The following BACH2 variants were observed in gnomAD, a reference collection of about 807,000 sequenced individuals.
BACH2 encodes the protein transcription regulator protein BACH2.
In BACH2, 5 loss-of-function variants were observed where a neutral mutation model predicts 61.8. The observed-to-expected ratio is 0.08, with a 90% confidence interval of 0.04 to 0.17. The LOEUF is 0.17. Among genes scored for constraint, BACH2 ranks in the 10% least tolerant of loss-of-function variants. The pLI is 1.00. For synonymous variants in BACH2, 446 were observed against 440.1 expected (o/e 1.01, Z -0.17); for missense variants, 824 against 1,091.1 (o/e 0.76, Z 3.45).
intron 4 of BACH2, among the ~76,000 whole-genome samples, chr6:90,134,972 G>A (rs1387227955): frequency 6.6e-6 from 1 of 152,200 alleles, no homozygotes; most frequent in Non-Finnish European, 1.5e-5. Flanking sequence ...GGGATGAACA[G>A]ATCCAGCCTT....
intron 5 of BACH2, among the ~76,000 whole-genome samples, chr6:90,059,991 G>A (rs1199683159): frequency 9.3e-6 from 1 of 107,168 alleles, no homozygotes; most frequent in African/African-American, 3.5e-5. Flanking sequence ...GGGGGGAGGG[G>A]GGAGGGATAG....
intron 5 of BACH2, among the ~76,000 whole-genome samples, chr6:90,032,885 C>A (rs1385846604): frequency 6.6e-6 from 1 of 152,148 alleles, no homozygotes; most frequent in African/African-American, 2.4e-5. Context: ...ATAAATCATG[C>A]TGCTATTAAG....
chr6:90,189,945 T>G (rs1438351382), intron 4 of BACH2, among the ~76,000 whole-genome samples: 2 of 149,890 alleles, frequency 1.3e-5, no homozygotes, highest in Non-Finnish European at 3.0e-5. Flanking sequence ...CTATTAACTC[T>G]GAGCATTTTT....
At chr6:90,289,376 A>G (rs1207304458) in intron 1 of BACH2, among the ~76,000 whole-genome samples, 1 of 152,248 alleles carries the variant, frequency 6.6e-6, no homozygotes, top group Non-Finnish European at 1.5e-5. Flanking sequence ...TCTGAGGATT[A>G]TGTGAGTTAA....
In BACH2 at chr6:90,060,139, AAAAC is replaced by A. The variant is rs201264525; in HGVS notation, c.-13+28818_-13+28821del. 6.6e-3 allele frequency among the ~76,000 whole-genome samples: 1,005 copies of A among 151,972 alleles called. 9 individuals carry two copies. The highest frequency in any genetic ancestry group is 0.022 in the African/African-American group (930 of 41,466). On this transcript the variant is annotated intron_variant, in intron 5 of 8. Coordinates refer to ENST00000257749, the MANE Select transcript of BACH2 (RefSeq NM_021813.4). ...TTAAAGTATAATAACAGTAAAAAAA[AAAAC>A]AAAGAAAACAAACAAACAAAAAACA...
intron 4 of BACH2, among the ~76,000 whole-genome samples, chr6:90,158,912 T>C (rs769495169): frequency 1.3e-5 from 2 of 152,196 alleles, no homozygotes; most frequent in Non-Finnish European, 2.9e-5. Flanking sequence ...ATATCATCTC[T>C]TAATTTGATT....
At chr6:90,116,474 G>A (rs1783403586) in intron 4 of BACH2, among the ~76,000 whole-genome samples, 1 of 152,076 alleles carries the variant, frequency 6.6e-6, no homozygotes, top group African/African-American at 2.4e-5. Flanking sequence ...AGGAAACAAT[G>A]AACACTGGGG....
At chr6:90,137,668 A>T (rs1784320524) in intron 4 of BACH2, among the ~76,000 whole-genome samples, 1 of 152,110 alleles carries the variant, frequency 6.6e-6, no homozygotes, top group African/African-American at 2.4e-5. Context: ...TTTTTCTATG[A>T]TTTGTTGGAC....
chr6:90,044,951 C>T (rs1779711706), intron 5 of BACH2, among the ~76,000 whole-genome samples: 1 of 152,078 alleles, frequency 6.6e-6, no homozygotes, highest in Non-Finnish European at 1.5e-5. Flanking sequence ...CAGCCTGATT[C>T]TAGAGAGATA....
chr6:90,261,643 C>G (rs911251751), intron 2 of BACH2, among the ~76,000 whole-genome samples: 1 of 152,080 alleles, frequency 6.6e-6, no homozygotes, highest in South Asian at 2.1e-4. Context: ...TTCCTCATAC[C>G]CTCAGATCAT....
At chr6:89,988,034 G>C (rs1023080406) in intron 6 of BACH2, among the ~76,000 whole-genome samples, 2 of 152,136 alleles carry the variant, frequency 1.3e-5, no homozygotes, top group Non-Finnish European at 2.9e-5. Flanking sequence ...CTTCAGTTTG[G>C]AATGCTGGCC....
At chr6:89,956,508 T>C (rs375885904) in intron 6 of BACH2, among the ~76,000 whole-genome samples, 1 of 152,216 alleles carries the variant, frequency 6.6e-6, no homozygotes, top group African/African-American at 2.4e-5. Flanking sequence ...CTTCATTACA[T>C]TGGATTCTAA....
chr6:89,991,690 G>C (rs1379749610), intron 6 of BACH2, among the ~76,000 whole-genome samples: 4 of 151,760 alleles, frequency 2.6e-5, no homozygotes, highest in African/African-American at 9.7e-5. Context: ...ATTCTCCAAA[G>C]TGCTCCAAGG....
At chr6:90,243,894 A>G (rs866781611) in intron 3 of BACH2, among the ~76,000 whole-genome samples, 4 of 152,210 alleles carry the variant, frequency 2.6e-5, no homozygotes, top group African/African-American at 9.6e-5. Context: ...TTGAGGAGCA[A>G]TAAACCTCAG....
chr6:90,144,421 A>G (rs1049234888), intron 4 of BACH2, among the ~76,000 whole-genome samples: 2 of 152,222 alleles, frequency 1.3e-5, no homozygotes, highest in Non-Finnish European at 2.9e-5. Context: ...TTTGGGAGCC[A>G]AGAGAAGAGC....
intron 5 of BACH2, among the ~76,000 whole-genome samples, chr6:90,013,279 T>A (rs1208574439): frequency 6.6e-6 from 1 of 152,186 alleles, no homozygotes; most frequent in Non-Finnish European, 1.5e-5. Context: ...CTTACTGCAT[T>A]GTCTAGAAGC....
intron 5 of BACH2, among the ~76,000 whole-genome samples, chr6:90,062,020 G>C (rs1334273946): frequency 1.3e-5 from 2 of 152,114 alleles, no homozygotes; most frequent in African/African-American, 4.8e-5. Flanking sequence ...GTTTTTTCCT[G>C]GGGCAGTATT....
At chr6:90,206,458 G>C (rs1362844388) in intron 4 of BACH2, 111 bp downstream of exon 4, 1 of 152,420 alleles carries the variant, frequency 6.6e-6, no homozygotes, top group Non-Finnish European at 1.5e-5. Context: ...ACTCTGAAAT[G>C]CTTCTGGCAG....
At chr6:90,127,754 C>T (rs1011807567) in intron 4 of BACH2, among the ~76,000 whole-genome samples, 1 of 152,164 alleles carries the variant, frequency 6.6e-6, no homozygotes, top group Admixed American at 6.5e-5. Flanking sequence ...TGGCTCAGCT[C>T]GGCGATCTGC....
Sources: allele counts gnomAD v4.1 joint callset (sites outside exome capture counted in the v4.1 genomes callset), GRCh38; gene constraint gnomAD v4.1.1; transcripts MANE v1.5; gene names NCBI Gene and HGNC (gene_info 2026-07-23, HGNC 2026-07-21).